The following LARP4B variants were observed in gnomAD, a reference collection of about 807,000 sequenced individuals.
LARP4B encodes la-related protein 4B.
A neutral mutation model predicts 89.8 loss-of-function variants in LARP4B; 12 were observed. The ratio of observed to expected loss-of-function variants is 0.13; its 90% CI spans 0.09 to 0.22. The LOEUF is 0.22. Among genes scored for constraint, LARP4B ranks in the 10% least tolerant of loss-of-function variants. The probability of loss-of-function intolerance (pLI) is 1.00; values close to 1 mark genes in which losing one functional copy is unlikely to be tolerated. For missense variants in LARP4B, 757 were observed against 947.7 expected, an observed-to-expected ratio of 0.80 and a Z score of 2.64; for synonymous variants, 367 against 363.3, an observed-to-expected ratio of 1.01 and a Z score of -0.12.
At chr10:924,653 A>G (rs565387149) in intron 1 of LARP4B, among the ~76,000 whole-genome samples, 1 of 152,294 alleles carries the variant, frequency 6.6e-6, no homozygotes, top group East Asian at 1.9e-4. Context: ...CACTTGGGGC[A>G]CTACACAGGT....
At chr10:977,102 A>G in the LARP4B span, among the ~76,000 whole-genome samples, 1 of 152,226 alleles carries the variant, frequency 6.6e-6, no homozygotes, top group African/African-American at 2.4e-5. Flanking sequence ...TAAATCAGTG[A>G]GTCTACCATA....
At chr10:911,541 G>C (rs1482627900) in intron 1 of LARP4B, among the ~76,000 whole-genome samples, 1 of 152,092 alleles carries the variant, frequency 6.6e-6, no homozygotes, top group Non-Finnish European at 1.5e-5. Context: ...TTCCTAAAAT[G>C]GTTCCTCTGA....
At chr10:875,031 G>A (rs975364177) in intron 3 of LARP4B, among the ~76,000 whole-genome samples, 2 of 152,024 alleles carry the variant, frequency 1.3e-5, no homozygotes, top group East Asian at 1.9e-4. Context: ...TAGCAGCTTC[G>A]AATGACAAAA....
chr10:846,985 A>G (rs1833809236), intron 5 of LARP4B, among the ~76,000 whole-genome samples: 1 of 152,196 alleles, frequency 6.6e-6, no homozygotes, highest in Admixed American at 6.5e-5. Flanking sequence ...GTAAGTTAAG[A>G]AGTTGAAACT....
chr10:875,204 T>G (rs1037998655), intron 3 of LARP4B, among the ~76,000 whole-genome samples: 2 of 152,264 alleles, frequency 1.3e-5, no homozygotes, highest in Non-Finnish European at 2.9e-5. Context: ...CCTGCCTGGC[T>G]TTGAGTCTCA....
chr10:835,039 CAA>C (rs34825774), intron 8 of LARP4B, among the ~76,000 whole-genome samples: 14 of 93,440 alleles, frequency 1.5e-4, no homozygotes, highest in South Asian at 3.8e-4. Flanking sequence ...GACTCCGTCT[CAA>C]AAAAAAAAAA....
chr10:857,950 A>T (rs1488558738), intron 5 of LARP4B, among the ~76,000 whole-genome samples: 1 of 152,242 alleles, frequency 6.6e-6, no homozygotes, highest in African/African-American at 2.4e-5. Flanking sequence ...AAGAGCAAAA[A>T]GGGTGCTTGG....
chr10:863,478 C>A lies in LARP4B; in HGVS notation c.430+265G>T, dbSNP rs377499966. On this transcript the variant is annotated intron_variant, in intron 5 of 17. Coordinates refer to ENST00000316157, the MANE Select transcript of LARP4B (RefSeq NM_015155.3). ...TCTCCTGACCTCGTGATCTGCCCGC[C>A]TCGGCCTCCCGAAGTGCTGGGATGA... Among the ~76,000 whole-genome samples the A allele has an allele frequency of 2.1e-4, 32 of 152,250 alleles. No homozygotes were observed. In the East Asian group the frequency reaches 5.2e-3, roughly 25 times the overall value.
the LARP4B span, chr10:986,352 C>G: frequency 6.6e-6 from 1 of 152,226 alleles, no homozygotes; most frequent in East Asian, 1.9e-4. Context: ...CAGTCAGGAA[C>G]TGGCAATGTG....
rs1336399929 is a variant in LARP4B at position 811,417 on chromosome 10, T to C, written c.*1509A>G. The C allele has an allele frequency of 5.9e-5, 9 of 152,610 alleles. No individual in the cohort carries two copies. The highest frequency in any genetic ancestry group is 5.9e-4 in the Admixed American group (9 of 15,288). 9.5% of individuals were successfully genotyped at this position (152,610 alleles called of 1,614,324 possible). A position where few individuals can be genotyped will look rare whatever the true frequency, so the allele number is the denominator to read the frequency against. The stretch of plus-strand genomic sequence containing the variant: ...GCATTTACAGGATTTTCCAACATTC[T>C]GAAAAAAGATCAACTGTTGAAGATC... On this transcript the variant is annotated 3_prime_UTR_variant, in exon 18 of 18. Coordinates refer to ENST00000316157, the MANE Select transcript of LARP4B (RefSeq NM_015155.3).
intron 5 of LARP4B, among the ~76,000 whole-genome samples, chr10:862,107 G>C (rs1834642284): frequency 6.6e-6 from 1 of 152,064 alleles, no homozygotes; most frequent in African/African-American, 2.4e-5. Flanking sequence ...TTAGAAAACT[G>C]CTCATGTAGA....
At chr10:846,633 C>A (rs1833791375) in intron 5 of LARP4B, among the ~76,000 whole-genome samples, 1 of 152,150 alleles carries the variant, frequency 6.6e-6, no homozygotes, top group Non-Finnish European at 1.5e-5. Flanking sequence ...GTTAAAGTAA[C>A]CTAAACGTAA....
rs576161812 is a variant in LARP4B at position 923,338 on chromosome 10, G to C, written c.-40+8090C>G. On this transcript the variant is annotated intron_variant, in intron 1 of 17. Coordinates refer to ENST00000316157, the MANE Select transcript of LARP4B (RefSeq NM_015155.3). ...AAGCAATGAACTAGAAATCCATTGGGGTTTCCCGGCACAGGTCTGAATCCT... is the reference window on the plus strand; with the variant it reads ...AAGCAATGAACTAGAAATCCATTGGCGTTTCCCGGCACAGGTCTGAATCCT... Among the ~76,000 whole-genome samples the C allele has an allele frequency of 4.6e-5, 7 of 152,130 alleles. No homozygotes were observed. The South Asian group carries it at 1.5e-3, about 32-fold the overall frequency.
the LARP4B span, among the ~76,000 whole-genome samples, chr10:956,632 C>T: frequency 6.6e-6 from 1 of 152,144 alleles, no homozygotes; most frequent in East Asian, 1.9e-4. The surrounding 1 kb of genome is among the most constrained non-coding windows in gnomAD (Gnocchi z 4.3). Flanking sequence ...GGGATTACAG[C>T]CACTGTGCCC....
the LARP4B span, among the ~76,000 whole-genome samples, chr10:951,012 TTC>T: frequency 2.0e-5 from 3 of 150,750 alleles, no homozygotes. Context: ...TCTCCCTTCC[TTC>T]TCTCTCTCTC....
downstream of LARP4B, chr10:807,761 T>A (rs1831606793): frequency 6.6e-6 from 1 of 152,440 alleles, no homozygotes; most frequent in Non-Finnish European, 1.5e-5. Context: ...ATAAGTTCCA[T>A]AAGCACCTGA....
chr10:857,674 G>A lies in LARP4B; in HGVS notation c.430+6069C>T, dbSNP rs1416687382. 2.0e-5 allele frequency among the ~76,000 whole-genome samples: 3 copies of A among 152,108 alleles called. No homozygotes were observed. The South Asian group carries it at 6.2e-4, about 32-fold the overall frequency. ...CTTAATAAGAGGTCCCACGTGTAAG[G>A]GGCTTTTGTCATCTCAACTCCTGCT... On this transcript the variant is annotated intron_variant, in intron 5 of 17. Coordinates refer to ENST00000316157, the MANE Select transcript of LARP4B (RefSeq NM_015155.3).
At chr10:827,536 C>T (rs914523145) in intron 11 of LARP4B, among the ~76,000 whole-genome samples, 4 of 152,180 alleles carry the variant, frequency 2.6e-5, no homozygotes, top group Non-Finnish European at 4.4e-5. Flanking sequence ...GAACAAAGGA[C>T]GCACATGTTT....
chr10:848,970 A>T (rs1833910374), intron 5 of LARP4B, among the ~76,000 whole-genome samples: 2 of 152,312 alleles, frequency 1.3e-5, no homozygotes, highest in Admixed American at 1.3e-4. Context: ...TTTATAGCAT[A>T]AGTAACTGCA....
Sources: gnomAD v4.1 joint callset for allele counts (sites outside exome capture counted in the v4.1 genomes callset) on GRCh38, gnomAD v4.1.1 for gene constraint, Gnocchi (gnomAD v3.1) non-coding constraint, MANE v1.5 for transcripts, NCBI Gene and HGNC (gene_info 2026-07-23, HGNC 2026-07-21) for gene names.